DNER: variants seen among roughly 807,000 people sequenced by gnomAD.
DNER encodes the protein delta/notch like EGF repeat containing.
In DNER, 33 loss-of-function variants were observed where a neutral mutation model predicts 78.2. The ratio of observed to expected loss-of-function variants is 0.42; its 90% CI spans 0.32 to 0.56. The LOEUF (loss-of-function observed/expected upper bound fraction) is 0.56, where lower values mean the gene tolerates loss of function less well. Ranked by LOEUF, DNER falls within the 20% of genes least tolerant of loss-of-function variation. The pLI, the probability that DNER is intolerant of heterozygous loss-of-function variation, is 0.11. For synonymous variants in DNER, 417 were observed against 384.8 expected (o/e 1.08, Z -0.98); for missense variants, 918 against 975.3 (o/e 0.94, Z 0.78).
intron 1 of DNER, among the ~76,000 whole-genome samples, chr2:229,684,852 T>C (rs1331116176): frequency 6.6e-6 from 1 of 152,224 alleles, no homozygotes; most frequent in East Asian, 1.9e-4. Flanking sequence ...CAGTATGGGC[T>C]GTTTTCCAAA....
At chr2:229,707,227 G>A (rs538009202) in intron 1 of DNER, among the ~76,000 whole-genome samples, 99 of 128,332 alleles carry the variant, frequency 7.7e-4, no homozygotes, top group African/African-American at 2.6e-3. Context: ...TAGGGATGCG[G>A]TTTCACCATG....
intron 5 of DNER, among the ~76,000 whole-genome samples, chr2:229,524,262 T>C (rs1439471705): frequency 6.6e-6 from 1 of 152,254 alleles, no homozygotes; most frequent in Non-Finnish European, 1.5e-5. Context: ...GTCTTCTCTC[T>C]TTTTGACCAT....
chr2:229,687,908 T>C (rs1243510426), intron 1 of DNER, among the ~76,000 whole-genome samples: 1 of 152,210 alleles, frequency 6.6e-6, no homozygotes, highest in Non-Finnish European at 1.5e-5. Context: ...CACCATTTCA[T>C]TCCTTTCTTC....
chr2:229,696,372 T>G (rs898408507), intron 1 of DNER, among the ~76,000 whole-genome samples: 5 of 152,226 alleles, frequency 3.3e-5, no homozygotes, highest in Non-Finnish European at 7.3e-5. Context: ...TGCCAGGTCC[T>G]AGGAGGAGGA....
In DNER at chr2:229,674,571, G is replaced by A. The variant is rs551105756; in HGVS notation, c.276+39577C>T. 1.4e-4 allele frequency among the ~76,000 whole-genome samples: 22 copies of A among 152,214 alleles called. No homozygotes were observed. The South Asian group carries it at 1.7e-3, about 12-fold the overall frequency. ...TAGGGTTACAGGTGTGAGCCACTGC[G>A]CCTGGCCCCTTGTTCTTATTAATGG... On this transcript the variant is annotated intron_variant, in intron 1 of 12. Coordinates refer to ENST00000341772, the MANE Select transcript of DNER (RefSeq NM_139072.4).
intron 1 of DNER, among the ~76,000 whole-genome samples, chr2:229,601,224 G>T (rs1396547489): frequency 1.3e-5 from 2 of 152,234 alleles, no homozygotes; most frequent in African/African-American, 4.8e-5. Flanking sequence ...CAATGTTGGG[G>T]TCCAACTGTC....
At chr2:229,499,787 G>A (rs944936085) in intron 6 of DNER, among the ~76,000 whole-genome samples, 1 of 152,018 alleles carries the variant, frequency 6.6e-6, no homozygotes, top group Non-Finnish European at 1.5e-5. Context: ...AATACAACCT[G>A]CAGAATAAGA....
chr2:229,714,282 A>G lies in DNER; in HGVS notation c.142T>C (p.Cys48Arg). ...PAAPLSAPGP[C>R]AAQPCRNGGV... ...CCATTCCGGCAGGGCTGCGCGGCGC[A>G]CGGCCCGGGCGCAGACAGGGGCGCG... is the stretch of plus-strand genomic sequence containing the variant. The change falls in exon 1 of 13, where the codon TGC becomes CGC. Residue 48 changes from cysteine (C) to arginine (R), a missense_variant. Physicochemically the swap from Cys to Arg is radical, Grantham distance 180 (BLOSUM62 -3). Transcript: ENST00000341772. 4.4e-6 allele frequency: 6 copies of G among 1,371,650 alleles called. No homozygotes were observed. Among genetic ancestry groups the G allele is most frequent in the Non-Finnish European group, 5.6e-6 (6 of 1,063,056 alleles). 85.0% of individuals were successfully genotyped at this position (1,371,650 alleles called of 1,614,324 possible).
intron 5 of DNER, among the ~76,000 whole-genome samples, chr2:229,540,209 G>A (rs1163663972): frequency 1.3e-5 from 2 of 152,098 alleles, no homozygotes; most frequent in African/African-American, 4.8e-5. Context: ...GAGGTGGAAG[G>A]GTAAGTGGTA....
At chr2:229,364,842 C>CT (rs1433492818) in intron 12 of DNER, among the ~76,000 whole-genome samples, 3 of 133,474 alleles carry the variant, frequency 2.2e-5, no homozygotes, top group Admixed American at 7.8e-5. Flanking sequence ...GTCTCTCTCT[C>CT]TCTTTTTTTT....
intron 8 of DNER, among the ~76,000 whole-genome samples, chr2:229,443,026 G>A (rs555797866): frequency 6.6e-6 from 1 of 152,220 alleles, no homozygotes; most frequent in Admixed American, 6.5e-5. Context: ...GAACTTGGTT[G>A]GCAACTGTGC....
chr2:229,500,061 G>C (rs537899720), intron 6 of DNER, among the ~76,000 whole-genome samples: 4 of 151,984 alleles, frequency 2.6e-5, no homozygotes, highest in African/African-American at 4.8e-5. Context: ...AGCCTCCTGA[G>C]TAGCTGGGAC....
chr2:229,512,000 TG>T (rs1177885966), intron 6 of DNER, among the ~76,000 whole-genome samples: 4 of 152,126 alleles, frequency 2.6e-5, no homozygotes, highest in Non-Finnish European at 5.9e-5. Context: ...ATGCTGAAAA[TG>T]TGGAACCAGC....
At chr2:229,674,057 G>A (rs1451105455) in intron 1 of DNER, among the ~76,000 whole-genome samples, 1 of 152,158 alleles carries the variant, frequency 6.6e-6, no homozygotes, top group Non-Finnish European at 1.5e-5. Context: ...AACCCCTATT[G>A]GTCTCCAGGT....
chr2:229,409,510 G>A (rs1693459780), intron 9 of DNER, among the ~76,000 whole-genome samples: 1 of 152,112 alleles, frequency 6.6e-6, no homozygotes, highest in East Asian at 1.9e-4. Flanking sequence ...GCAAATTCTA[G>A]GCCAAATATT....
intron 11 of DNER, among the ~76,000 whole-genome samples, chr2:229,386,337 C>G (rs1244227892): frequency 2.0e-5 from 3 of 152,196 alleles, no homozygotes; most frequent in Non-Finnish European, 4.4e-5. Context: ...GGATAAAAGA[C>G]TTACACGTAA....
At chr2:229,586,917 A>T (rs1697513277) in intron 3 of DNER, 1 of 985,508 alleles carries the variant, frequency 1.0e-6, no homozygotes, top group Non-Finnish European at 1.2e-6. Context: ...GACTAAATTC[A>T]TGAGGAAATG....
chr2:229,396,304 G>GTTT (rs374036131), intron 10 of DNER, among the ~76,000 whole-genome samples: 2 of 152,134 alleles, frequency 1.3e-5, no homozygotes, highest in East Asian at 1.9e-4. Context: ...TAGTTTACAC[G>GTTT]ACTTTAGTAA....
intron 4 of DNER, among the ~76,000 whole-genome samples, chr2:229,582,475 A>G (rs1697417602): frequency 6.6e-6 from 1 of 152,186 alleles, no homozygotes; most frequent in Admixed American, 6.5e-5. Context: ...AAAGCCACAT[A>G]AAAGACCCAG....
Sources: gnomAD v4.1 joint callset for allele counts (sites outside exome capture counted in the v4.1 genomes callset) on GRCh38, gnomAD v4.1.1 for gene constraint, MANE v1.5 for transcripts, NCBI Gene and HGNC (gene_info 2026-07-23, HGNC 2026-07-21) for gene names.